The following MANBA variants were observed in gnomAD, a reference collection of about 807,000 sequenced individuals.
MANBA encodes mannosidase beta.
MANBA carries 83 observed loss-of-function variants against 111.1 expected under a neutral mutation model. The observed-to-expected ratio is 0.75, with a 90% CI of 0.63 to 0.90. The LOEUF (loss-of-function observed/expected upper bound fraction) is 0.90. Ranked by LOEUF, MANBA falls within the 40% of genes least tolerant of loss-of-function variation. MANBA has a pLI of 0.00. For missense variants in MANBA, 1,036 were observed against 1,069.0 expected (o/e 0.97, Z 0.43); for synonymous variants, 370 against 378.7 (o/e 0.98, Z 0.27).
rs564727463 is a variant in MANBA, at chr4:102,733,316, T to C, written c.178-6633A>G. Among the ~76,000 whole-genome samples the C allele has an allele frequency of 4.6e-5, 7 of 151,796 alleles. No individual in the cohort carries two copies. The South Asian group carries it at 1.3e-3, about 27-fold the overall frequency. On this transcript the variant is annotated intron_variant, in intron 1 of 16. Coordinates refer to ENST00000647097, the MANE Select transcript of MANBA (RefSeq NM_005908.4). ...GCAGTTTTTCCTGAAAACTTGAGATTCCTGTTCACCTGAGTAAGGAAGTCC... is the reference window on the plus strand; with the variant it reads ...GCAGTTTTTCCTGAAAACTTGAGATCCCTGTTCACCTGAGTAAGGAAGTCC...
chr4:102,630,834 A>G lies in MANBA; in HGVS notation c.*1223T>C, dbSNP rs924711621. On this transcript the variant is annotated 3_prime_UTR_variant, in exon 17 of 17. Coordinates refer to ENST00000647097, the MANE Select transcript of MANBA (RefSeq NM_005908.4). The stretch of plus-strand genomic sequence containing the variant: ...TTACCACTCCCATTTAGCCACAAGA[A>G]AACTGAGCACAGGAAGTTAAGTAAC... 3 of 152,214 alleles carry G rather than the reference A, an allele frequency of 2.0e-5. No homozygotes were observed. Among genetic ancestry groups the G allele is most frequent in the Non-Finnish European group, 4.4e-5 (3 of 68,038 alleles). The allele number at this position is 152,214 out of a possible 1,614,324, so 9.4% of individuals were successfully genotyped here. A position where few individuals can be genotyped will look rare whatever the true frequency, so the allele number is the denominator to read the frequency against.
At chr4:102,701,937 T>A (rs1306360012) in intron 5 of MANBA, among the ~76,000 whole-genome samples, 1 of 151,970 alleles carries the variant, frequency 6.6e-6, no homozygotes, top group East Asian at 1.9e-4. Context: ...TTCTCCTGGA[T>A]AATATCCTGC....
chr4:102,701,872 C>T (rs1442380767), intron 5 of MANBA, among the ~76,000 whole-genome samples: 6 of 151,588 alleles, frequency 4.0e-5, no homozygotes, highest in African/African-American at 9.7e-5. Flanking sequence ...ATCTTTGTGG[C>T]GTTCTCTGTA....
intron 13 of MANBA, among the ~76,000 whole-genome samples, chr4:102,643,522 T>C (rs1729971415): frequency 1.3e-5 from 2 of 152,306 alleles, no homozygotes; most frequent in East Asian, 3.9e-4. Context: ...ACCAGCAACA[T>C]ATGAGGGTTC....
At chr4:102,673,286 C>G (rs111749155) in intron 8 of MANBA, among the ~76,000 whole-genome samples, 4 of 152,268 alleles carry the variant, frequency 2.6e-5, no homozygotes, top group African/African-American at 9.6e-5. Flanking sequence ...GCAGGTGGAT[C>G]ATTTGAGGTC....
At chr4:102,725,795 A>G (rs960045307) in intron 2 of MANBA, among the ~76,000 whole-genome samples, 7 of 152,218 alleles carry the variant, frequency 4.6e-5, no homozygotes, top group African/African-American at 1.7e-4. Flanking sequence ...AAAAATTTGC[A>G]AGACCCACCC....
At chr4:102,683,414 A>G (rs1457391493) in intron 7 of MANBA, among the ~76,000 whole-genome samples, 1 of 152,232 alleles carries the variant, frequency 6.6e-6, no homozygotes, top group Non-Finnish European at 1.5e-5. Flanking sequence ...TACCTTATAC[A>G]TAGAATACTT....
Position 102,744,260 on chromosome 4 carries a change from C to T in MANBA, c.177+16458G>A, listed in dbSNP as rs566970498. 1.1e-4 allele frequency among the ~76,000 whole-genome samples: 17 copies of T among 152,294 alleles called. No individual in the cohort carries two copies. The East Asian group carries it at 1.3e-3, about 12-fold the overall frequency. On this transcript the variant is annotated intron_variant, in intron 1 of 16. Coordinates refer to ENST00000647097, the MANE Select transcript of MANBA (RefSeq NM_005908.4). ...TCTCAATAGGCCCCATACCACTGGA[C>T]CCCTAGAAATTTTACTGAGGTAGAA...
At chr4:102,639,913 A>C in intron 13 of MANBA, 56 bp from the exon 14 acceptor site, 1 of 1,590,758 alleles carries the variant, frequency 6.3e-7, no homozygotes, top group Non-Finnish European at 8.6e-7. Flanking sequence ...GACTGCCTAG[A>C]TCTGAGAAAA....
At chr4:102,714,977 C>T (rs935305519) in intron 4 of MANBA, among the ~76,000 whole-genome samples, 1 of 152,104 alleles carries the variant, frequency 6.6e-6, no homozygotes, top group African/African-American at 2.4e-5. Flanking sequence ...TCTGAGATAC[C>T]AGAGGTTAGG....
At chr4:102,702,915 C>A (rs1459029955) in intron 5 of MANBA, among the ~76,000 whole-genome samples, 1 of 152,148 alleles carries the variant, frequency 6.6e-6, no homozygotes, top group South Asian at 2.1e-4. Context: ...GTCCCATAGA[C>A]AAATTAGTTT....
chr4:102,719,527 T>C (rs1197968005), intron 4 of MANBA, among the ~76,000 whole-genome samples: 1 of 152,200 alleles, frequency 6.6e-6, no homozygotes, highest in Non-Finnish European at 1.5e-5. Flanking sequence ...TTTATGAAGA[T>C]AACAGGATTA....
chr4:102,729,088 CT>C (rs1303464129), intron 1 of MANBA: 2 of 758,238 alleles, frequency 2.6e-6, no homozygotes, highest in Non-Finnish European at 2.4e-6. Flanking sequence ...CCTGCTTGGC[CT>C]GCTGCAGGGC....
chr4:102,731,454 A>G (rs1312270445), intron 1 of MANBA, among the ~76,000 whole-genome samples: 1 of 152,170 alleles, frequency 6.6e-6, no homozygotes, highest in Non-Finnish European at 1.5e-5. Flanking sequence ...CATGAAAAGG[A>G]TCTCTACAGA....
At chr4:102,646,318 G>T (rs937855837) in intron 13 of MANBA, among the ~76,000 whole-genome samples, 1 of 152,004 alleles carries the variant, frequency 6.6e-6, no homozygotes, top group Non-Finnish European at 1.5e-5. Context: ...GTATGACCTG[G>T]ATCTTCCATC....
chr4:102,637,994 A>T (rs771322228), intron 14 of MANBA, among the ~76,000 whole-genome samples: 1 of 152,232 alleles, frequency 6.6e-6, no homozygotes, highest in African/African-American at 2.4e-5. Context: ...AGATAGTGTC[A>T]GACTTAAATT....
At chr4:102,646,468 T>C (rs1730109075) in intron 13 of MANBA, among the ~76,000 whole-genome samples, 1 of 152,126 alleles carries the variant, frequency 6.6e-6, no homozygotes, top group South Asian at 2.1e-4. Context: ...AAAATGGGCC[T>C]CTAAAGAAAA....
chr4:102,728,617 A>T (rs1722902419), intron 1 of MANBA: 2 of 483,628 alleles, frequency 4.1e-6, no homozygotes, highest in African/African-American at 2.0e-5. Flanking sequence ...GTCCCCAGGT[A>T]GTAAACTACC....
intron 4 of MANBA, chr4:102,722,510 G>A: frequency 3.5e-6 from 1 of 285,480 alleles, no homozygotes; most frequent in Non-Finnish European, 6.9e-6. Flanking sequence ...AATATTTGCA[G>A]AGGGCTTCCT....
Sources: gnomAD v4.1 joint callset for allele counts (sites outside exome capture counted in the v4.1 genomes callset) on GRCh38, gnomAD v4.1.1 for gene constraint, MANE v1.5 for transcripts, NCBI Gene and HGNC (gene_info 2026-07-23, HGNC 2026-07-21) for gene names.